The following CNKSR2 variants were observed in gnomAD, a reference collection of about 807,000 sequenced individuals.
CNKSR2 encodes connector enhancer of kinase suppressor of Ras 2.
Under a neutral mutation model 84.4 loss-of-function variants are expected in CNKSR2, and 14 were observed. The ratio of observed to expected loss-of-function variants is 0.17; its 90% CI spans 0.11 to 0.26. CNKSR2 has a LOEUF of 0.26. Ranked by LOEUF, CNKSR2 falls within the 10% of genes least tolerant of loss-of-function variation. The probability of loss-of-function intolerance (pLI) is 1.00; values close to 1 mark genes in which losing one functional copy is unlikely to be tolerated. For missense variants in CNKSR2, 485 were observed against 771.2 expected (o/e 0.63, Z 4.40); for synonymous variants, 275 against 277.9 (o/e 0.99, Z 0.10).
At chrX:21,392,020 C>T (rs1460026398) in intron 1 of CNKSR2, among the ~76,000 whole-genome samples, 1 of 112,025 alleles carries the variant, frequency 8.9e-6, no homozygotes. Context: ...TGCCAGTCTC[C>T]TTGGTAAAGC....
intron 20 of CNKSR2, among the ~76,000 whole-genome samples, chrX:21,623,825 T>G (rs887321207): frequency 8.9e-6 from 1 of 111,928 alleles, no homozygotes; most frequent in African/African-American, 3.2e-5. Context: ...AAAAATTGGT[T>G]TCTAATTAAT....
intron 5 of CNKSR2, among the ~76,000 whole-genome samples, chrX:21,472,660 A>G (rs1436587469): frequency 8.9e-6 from 1 of 111,760 alleles, no homozygotes; most frequent in African/African-American, 3.2e-5. Flanking sequence ...TTTGTGATCA[A>G]TATTCAAATA....
intron 11 of CNKSR2, among the ~76,000 whole-genome samples, chrX:21,551,200 C>T (rs1272216387): frequency 1.8e-5 from 2 of 110,139 alleles, no homozygotes; most frequent in Non-Finnish European, 3.8e-5. Context: ...GAACATCACA[C>T]ACCGGGGCCT....
Position 21,653,847 on chromosome X carries a change from G to A in CNKSR2, c.*1326G>A, listed in dbSNP as rs1039367187. The A allele has an allele frequency of 5.4e-5, 6 of 111,379 alleles. No individual in the cohort carries two copies. The highest frequency in any genetic ancestry group is 1.1e-4 in the Non-Finnish European group (6 of 53,061). 9.2% of individuals were successfully genotyped at this position (111,379 alleles called of 1,213,427 possible). On this transcript the variant is annotated 3_prime_UTR_variant, in exon 22 of 22. Coordinates refer to ENST00000379510, the MANE Select transcript of CNKSR2 (RefSeq NM_014927.5). Reference sequence around the variant, plus strand: ...TTGCTGTTTTTTTCAGGAGGAGAAAGGGAACCTCCTTTACTATTCTATATC... The same window carrying A: ...TTGCTGTTTTTTTCAGGAGGAGAAAAGGAACCTCCTTTACTATTCTATATC...
intron 4 of CNKSR2, among the ~76,000 whole-genome samples, chrX:21,445,727 A>G (rs1360930592): frequency 8.9e-6 from 1 of 111,906 alleles, no homozygotes. Context: ...GACTTATTTC[A>G]CTTAACATAA....
chrX:21,426,917 C>T (rs913911561), intron 2 of CNKSR2: 1 of 336,642 alleles, frequency 3.0e-6, no homozygotes, highest in Non-Finnish European at 5.1e-6. Context: ...GTGTATGTCT[C>T]ATAAGCAGGG....
At chrX:21,607,984 T>G (rs2092527779) in intron 19 of CNKSR2, 1 of 111,347 alleles carries the variant, frequency 9.0e-6, no homozygotes, top group Non-Finnish European at 1.9e-5. Flanking sequence ...TCTCTTTTTC[T>G]AAAACGTCAG....
intron 11 of CNKSR2, among the ~76,000 whole-genome samples, chrX:21,544,068 T>C (rs1166188866): frequency 8.9e-6 from 1 of 112,132 alleles, no homozygotes; most frequent in Non-Finnish European, 1.9e-5. Context: ...TGCTCATAAA[T>C]AAAAATGTCC....
intron 13 of CNKSR2, among the ~76,000 whole-genome samples, chrX:21,572,051 A>G (rs1018588491): frequency 1.1e-4 from 12 of 112,509 alleles, no homozygotes; most frequent in Non-Finnish European, 1.9e-4. Context: ...TACACTAAAT[A>G]TTATCATATT....
chrX:21,588,125 T>C (rs1005901325), intron 13 of CNKSR2, among the ~76,000 whole-genome samples: 5 of 112,270 alleles, frequency 4.5e-5, no homozygotes, highest in Non-Finnish European at 9.4e-5. Flanking sequence ...GGATATTGAA[T>C]TGGGCATGTA....
chrX:21,629,859 G>A (rs150209915), intron 20 of CNKSR2, among the ~76,000 whole-genome samples: 3,074 of 112,351 alleles, frequency 0.027, 96 homozygotes, highest in African/African-American at 0.092. Context: ...GTTTAGTGAA[G>A]TATATTCAAT....
chrX:21,525,065 A>G (rs938928850), intron 9 of CNKSR2, among the ~76,000 whole-genome samples: 6 of 111,304 alleles, frequency 5.4e-5, no homozygotes, highest in Non-Finnish European at 9.5e-5. Context: ...TAAAACCAAG[A>G]TGTCCTGACA....
intron 13 of CNKSR2, among the ~76,000 whole-genome samples, chrX:21,587,573 A>G (rs1569259006): frequency 9.0e-6 from 1 of 111,572 alleles, no homozygotes; most frequent in Non-Finnish European, 1.9e-5. Context: ...TTAAATTTGC[A>G]TAATCTTAAA....
At chrX:21,551,479 A>G (rs1209920483) in intron 11 of CNKSR2, among the ~76,000 whole-genome samples, 1 of 112,387 alleles carries the variant, frequency 8.9e-6, no homozygotes, top group Non-Finnish European at 1.9e-5. Context: ...TGAGGGGGGA[A>G]AAAAACCTCT....
intron 13 of CNKSR2, among the ~76,000 whole-genome samples, chrX:21,584,049 C>T (rs1476917542): frequency 8.9e-6 from 1 of 112,141 alleles, no homozygotes; most frequent in Non-Finnish European, 1.9e-5. Context: ...TCATTCATAA[C>T]TCATATAATT....
At chrX:21,617,157 T>G (rs924323114) in intron 20 of CNKSR2, among the ~76,000 whole-genome samples, 1 of 111,653 alleles carries the variant, frequency 9.0e-6, no homozygotes, top group Non-Finnish European at 1.9e-5. Flanking sequence ...CACACTGTTA[T>G]CTGCTATTAT....
At position 21,641,690 on chromosome X, in the gene CNKSR2, C is replaced by G. The variant is rs2092692030; in HGVS notation, c.2693-7141C>G. ...GCGCAGACTCAACATCAACCTCTTGCAAGCAACTAAAATGGCCTCGTCCTT... is the reference window on the plus strand; with the variant it reads ...GCGCAGACTCAACATCAACCTCTTGGAAGCAACTAAAATGGCCTCGTCCTT... On this transcript the variant is annotated intron_variant, in intron 20 of 21. Coordinates refer to ENST00000379510, the MANE Select transcript of CNKSR2 (RefSeq NM_014927.5). 3.6e-6 allele frequency: 4 copies of G among 1,099,560 alleles called. No homozygotes were observed. The South Asian group carries it at 7.4e-5, about 20-fold the overall frequency. The allele number at this position is 1,099,560 out of a possible 1,213,427, so 90.6% of individuals were successfully genotyped here. A position where few individuals can be genotyped will look rare whatever the true frequency, so the allele number is the denominator to read the frequency against.
At chrX:21,499,250 T>C (rs2091534599) in intron 7 of CNKSR2, among the ~76,000 whole-genome samples, 1 of 112,131 alleles carries the variant, frequency 8.9e-6, no homozygotes, top group South Asian at 3.7e-4. Context: ...AGACCTCTGC[T>C]TCATGTCTGC....
chrX:21,512,917 A>C (rs777334390), intron 8 of CNKSR2, among the ~76,000 whole-genome samples: 1 of 112,130 alleles, frequency 8.9e-6, no homozygotes, highest in African/African-American at 3.2e-5. Context: ...TTCACCACTT[A>C]CTATTTTTGT....
Sources: allele counts gnomAD v4.1 joint callset (sites outside exome capture counted in the v4.1 genomes callset), GRCh38; gene constraint gnomAD v4.1.1; transcripts MANE v1.5; gene names NCBI Gene and HGNC (gene_info 2026-07-23, HGNC 2026-07-21).